The following DNAH11 variants were observed in gnomAD, a reference collection of about 807,000 sequenced individuals.
DNAH11 encodes axonemal beta dynein heavy chain 11.
Under a neutral mutation model 526.0 loss-of-function variants are expected in DNAH11, and 442 were observed. The ratio of observed to expected loss-of-function variants is 0.84; its 90% confidence interval spans 0.78 to 0.91. DNAH11 has a LOEUF of 0.91. Among genes scored for constraint, DNAH11 ranks in the 40% least tolerant of loss-of-function variants. The pLI, the probability that DNAH11 is intolerant of heterozygous loss-of-function variation, is 0.00. For missense variants in DNAH11, 6,989 were observed against 5,448.7 expected (o/e 1.28, Z -8.90); for synonymous variants, 2,461 against 1,935.9 (o/e 1.27, Z -7.12).
chr7:21,755,587 G>C, intron 54 of DNAH11, among the ~76,000 whole-genome samples: 1 of 152,052 alleles, frequency 6.6e-6, no homozygotes, highest in East Asian at 1.9e-4. Context: ...ACAAAACAAT[G>C]TAAAAAATAT....
intron 30 of DNAH11, among the ~76,000 whole-genome samples, chr7:21,674,627 T>C (rs1782793314): frequency 1.3e-5 from 2 of 152,092 alleles, no homozygotes; most frequent in African/African-American, 2.4e-5. Context: ...CCACGATCTT[T>C]CTTTTTCCTT....
chr7:21,828,563 G>A (rs1790409308), intron 65 of DNAH11, among the ~76,000 whole-genome samples: 1 of 151,780 alleles, frequency 6.6e-6, no homozygotes, highest in African/African-American at 2.4e-5. Context: ...TACCAAACAG[G>A]GCTTCAGATA....
chr7:21,759,035 CA>C (rs1381235061), intron 54 of DNAH11, among the ~76,000 whole-genome samples: 5 of 152,138 alleles, frequency 3.3e-5, no homozygotes, highest in African/African-American at 1.2e-4. Context: ...AAAAACAAAA[CA>C]AAACTTATAC....
chr7:21,676,874 A>T (rs149345112), intron 30 of DNAH11, among the ~76,000 whole-genome samples: 1 of 152,206 alleles, frequency 6.6e-6, no homozygotes, highest in South Asian at 2.1e-4. Flanking sequence ...TTTTCTCACT[A>T]AAGTGTATAT....
Position 21,807,802 on chromosome 7 carries a change from C to T in DNAH11, c.10166-81C>T, listed in dbSNP as rs1217445536. 5 of 1,393,202 alleles carry T rather than the reference C, an allele frequency of 3.6e-6. No homozygotes were observed. In the African/African-American group the frequency reaches 7.1e-5, roughly 20 times the overall value. 86.3% of individuals were successfully genotyped at this position (1,393,202 alleles called of 1,614,324 possible). The stretch of plus-strand genomic sequence containing the variant: ...ACTGTGTGGAAGGACGTAAACCTTG[C>T]CATAAGGTAATTGCATTAAGCATTT... On this transcript the variant is annotated intron_variant, in intron 62 of 81. Coordinates refer to ENST00000409508, the MANE Select transcript of DNAH11 (RefSeq NM_001277115.2).
At chr7:21,595,663 GT>G (rs1184831214) in intron 14 of DNAH11, among the ~76,000 whole-genome samples, 24 of 152,138 alleles carry the variant, frequency 1.6e-4, no homozygotes, top group Admixed American at 6.5e-5. Flanking sequence ...AATTTGAGGT[GT>G]TAATTAGCCA....
rs149792998 is a variant in DNAH11 at position 21,876,254 on chromosome 7, C to T, written c.12195+2753C>T. ...TAAGACTGAACTTGATGTTAAGTAGCAAAAGCAAAGATAACCAAAGTGATT... is the reference window on the plus strand; with the variant it reads ...TAAGACTGAACTTGATGTTAAGTAGTAAAAGCAAAGATAACCAAAGTGATT... On this transcript the variant is annotated intron_variant, in intron 74 of 81. Coordinates refer to ENST00000409508, the MANE Select transcript of DNAH11 (RefSeq NM_001277115.2). Among the ~76,000 whole-genome samples, 15 of 152,222 alleles carry T rather than the reference C, an allele frequency of 9.9e-5. No homozygotes were observed. The East Asian group carries it at 1.5e-3, about 16-fold the overall frequency.
At chr7:21,709,317 C>T (rs1784379363) in intron 40 of DNAH11, among the ~76,000 whole-genome samples, 1 of 152,102 alleles carries the variant, frequency 6.6e-6, no homozygotes, top group Non-Finnish European at 1.5e-5. Context: ...TGAATTAATG[C>T]TGAAACAGAA....
intron 36 of DNAH11, among the ~76,000 whole-genome samples, chr7:21,699,651 A>G (rs1783982473): frequency 6.6e-6 from 1 of 152,146 alleles, no homozygotes; most frequent in Non-Finnish European, 1.5e-5. Flanking sequence ...GTCTCTGGAT[A>G]GTAAGATTAT....
At chr7:21,698,587 A>G (rs1783944561) in intron 36 of DNAH11, among the ~76,000 whole-genome samples, 1 of 152,058 alleles carries the variant, frequency 6.6e-6, no homozygotes, top group Admixed American at 6.6e-5. Context: ...TCCATTCCTG[A>G]GTTACTTTAC....
At chr7:21,723,606 T>G (rs890919892) in intron 44 of DNAH11, among the ~76,000 whole-genome samples, 3 of 152,016 alleles carry the variant, frequency 2.0e-5, no homozygotes, top group African/African-American at 7.3e-5. Flanking sequence ...TACTCCAGAG[T>G]TGAAAACACT....
At chr7:21,765,838 G>A (rs1053252201) in intron 55 of DNAH11, among the ~76,000 whole-genome samples, 17 of 152,154 alleles carry the variant, frequency 1.1e-4, no homozygotes, top group Non-Finnish European at 2.2e-4. Context: ...ACACGGGCAC[G>A]CACACAGCAC....
At chr7:21,770,459 G>T (rs561726968) in intron 55 of DNAH11, among the ~76,000 whole-genome samples, 3 of 152,118 alleles carry the variant, frequency 2.0e-5, no homozygotes, top group Non-Finnish European at 4.4e-5. Context: ...GGCTTTTGGA[G>T]CATTTCAGAT....
At chr7:21,616,863 T>A (rs369719488) in intron 22 of DNAH11, among the ~76,000 whole-genome samples, 20 of 152,310 alleles carry the variant, frequency 1.3e-4, no homozygotes, top group African/African-American at 4.1e-4. Context: ...CATCTTTGGA[T>A]AAAGGCAAAA....
At chr7:21,868,837 C>T in intron 72 of DNAH11, 27 bp from the exon 73 acceptor site, 1 of 1,613,628 alleles carries the variant, frequency 6.2e-7, no homozygotes, top group Non-Finnish European at 8.5e-7. Flanking sequence ...TAGACATTTC[C>T]TCTCACCGTG....
At chr7:21,635,195 G>T (rs1204336389) in intron 25 of DNAH11, among the ~76,000 whole-genome samples, 3 of 152,024 alleles carry the variant, frequency 2.0e-5, no homozygotes, top group Non-Finnish European at 4.4e-5. Context: ...TCACTCTGTT[G>T]CCCAGGCTTG....
At position 21,846,400 on chromosome 7, in the gene DNAH11, T is replaced by A. The variant is rs569043374; in HGVS notation, c.10896+3652T>A. Among the ~76,000 whole-genome samples, 86 of 152,282 alleles carry A rather than the reference T, an allele frequency of 5.6e-4. 1 individual carries two copies. The highest frequency in any genetic ancestry group is 2.0e-3 in the African/African-American group (85 of 41,566). On this transcript the variant is annotated intron_variant, in intron 66 of 81. Coordinates refer to ENST00000409508, the MANE Select transcript of DNAH11 (RefSeq NM_001277115.2). ...TTATCACGTTAAGAAAGTTCCCCTC[T>A]ATTTCTAATTTGCCGAGAGTTTTTT...
intron 18 of DNAH11, 75 bp downstream of exon 18, chr7:21,601,693 C>G (rs1238921850): frequency 8.9e-7 from 1 of 1,122,196 alleles, no homozygotes. Flanking sequence ...TACATGTACT[C>G]TCTTATGATG....
At chr7:21,751,377 T>C (rs1786406427) in intron 54 of DNAH11, among the ~76,000 whole-genome samples, 1 of 152,106 alleles carries the variant, frequency 6.6e-6, no homozygotes, top group Admixed American at 6.5e-5. Flanking sequence ...CCAGTGTTCT[T>C]CCTCATTGGC....
Sources: gnomAD v4.1 joint callset for allele counts (sites outside exome capture counted in the v4.1 genomes callset) on GRCh38, gnomAD v4.1.1 for gene constraint, MANE v1.5 for transcripts, NCBI Gene and HGNC (gene_info 2026-07-23, HGNC 2026-07-21) for gene names.